The following DAPK2 variants were observed in gnomAD, a reference collection of about 807,000 sequenced individuals.
DAPK2 encodes death associated protein kinase 2, also known as death-associated protein kinase 2.
In DAPK2, 35 loss-of-function variants were observed where a neutral mutation model predicts 44.1. That is an observed-to-expected ratio of 0.79 (90% confidence interval 0.61 to 1.05). The LOEUF (loss-of-function observed/expected upper bound fraction) is 1.05, where lower values mean the gene tolerates loss of function less well. DAPK2 is among the 50% of genes least tolerant of loss of function. The pLI is 0.00. For missense variants in DAPK2, 453 were observed against 483.2 expected (o/e 0.94, Z 0.59); for synonymous variants, 174 against 182.6 (o/e 0.95, Z 0.38).
chr15:63,977,012 T>A (rs1018131920), intron 2 of DAPK2, among the ~76,000 whole-genome samples: 1 of 151,920 alleles, frequency 6.6e-6, no homozygotes, highest in African/African-American at 2.4e-5. Context: ...AAGAACACCA[T>A]GAGGAAGGAA....
At chr15:63,987,558 G>A (rs958805407) in intron 1 of DAPK2, among the ~76,000 whole-genome samples, 4 of 152,170 alleles carry the variant, frequency 2.6e-5, no homozygotes. Flanking sequence ...ATGGTCTACT[G>A]CAGCACGGGG....
At chr15:63,992,215 C>A (rs1034476091) in intron 1 of DAPK2, among the ~76,000 whole-genome samples, 1 of 152,064 alleles carries the variant, frequency 6.6e-6, no homozygotes, top group South Asian at 2.1e-4. Context: ...GACTTGGCTA[C>A]GTAAAGAAAG....
chr15:63,942,845 C>G lies in DAPK2; in HGVS notation c.454-3484G>C, dbSNP rs548384019. ...AGTTCCCAAAGTACCCTGTAATACCCGAACACAGTGCTTCTTACTCTGATG... is the reference window on the plus strand; with the variant it reads ...AGTTCCCAAAGTACCCTGTAATACCGGAACACAGTGCTTCTTACTCTGATG... On this transcript the variant is annotated intron_variant, in intron 3 of 10. Transcript: ENST00000261891. Among the ~76,000 whole-genome samples, 307 of 152,166 alleles carry G rather than the reference C, an allele frequency of 2.0e-3. 1 individual carries two copies. Among genetic ancestry groups the G allele is most frequent in the African/African-American group, 6.8e-3 (282 of 41,528 alleles).
rs138511942 is a variant in DAPK2, at chr15:64,045,718, T to C, written c.-7+580A>G. 1.7e-3 allele frequency among the ~76,000 whole-genome samples: 259 copies of C among 152,332 alleles called. 1 individual carries two copies. The highest frequency in any genetic ancestry group is 5.9e-3 in the African/African-American group (244 of 41,580). On this transcript the variant is annotated intron_variant, in intron 1 of 11. Coordinates refer to the DAPK2 transcript ENST00000457488. ...CTCCAAAATGCCTAGCCCAGAGTCC[T>C]AGTCAACTGTTGGCAACGCCCTTCC...
At chr15:64,031,967 C>T (rs1233123094) in intron 1 of DAPK2, among the ~76,000 whole-genome samples, 1 of 152,188 alleles carries the variant, frequency 6.6e-6, no homozygotes, top group African/African-American at 2.4e-5. Context: ...TGTGAGCTTG[C>T]TTGGCTGAGG....
intron 3 of DAPK2, among the ~76,000 whole-genome samples, chr15:63,960,431 A>C (rs535987233): frequency 6.6e-6 from 1 of 151,990 alleles, no homozygotes; most frequent in Non-Finnish European, 1.5e-5. Context: ...TAGTTCTTTT[A>C]ATTGTGATGT....
At chr15:63,995,162 C>T (rs1360486378) in intron 1 of DAPK2, among the ~76,000 whole-genome samples, 1 of 151,958 alleles carries the variant, frequency 6.6e-6, no homozygotes, top group Non-Finnish European at 1.5e-5. Flanking sequence ...TAAATCTCTG[C>T]ATACATCCCT....
chr15:64,037,177 C>T (rs899725491), intron 1 of DAPK2, among the ~76,000 whole-genome samples: 10 of 152,194 alleles, frequency 6.6e-5, no homozygotes, highest in African/African-American at 2.2e-4. Context: ...AGGGAATTCA[C>T]CACCTGGATC....
intron 1 of DAPK2, among the ~76,000 whole-genome samples, chr15:64,006,954 G>A (rs527650998): frequency 7.3e-4 from 111 of 152,248 alleles, no homozygotes; most frequent in Non-Finnish European, 1.3e-3. Context: ...GAAATGCAGG[G>A]AGGCTCAAAC....
chr15:63,953,258 C>T (rs1279587784), intron 3 of DAPK2, among the ~76,000 whole-genome samples: 1 of 152,022 alleles, frequency 6.6e-6, no homozygotes, highest in Non-Finnish European at 1.5e-5. Context: ...AGTTTCTTCA[C>T]TTAGGATAAT....
At chr15:63,987,262 T>C (rs1248128749) in intron 1 of DAPK2, among the ~76,000 whole-genome samples, 1 of 152,136 alleles carries the variant, frequency 6.6e-6, no homozygotes, top group African/African-American at 2.4e-5. Context: ...ACAGGCCTTT[T>C]TCTGCACACA....
At chr15:64,019,656 G>T (rs550764774) in intron 1 of DAPK2, among the ~76,000 whole-genome samples, 113 of 152,318 alleles carry the variant, frequency 7.4e-4, no homozygotes, top group Non-Finnish European at 1.6e-3. Flanking sequence ...GAATGCTTCG[G>T]TGTATTTCTT....
intron 1 of DAPK2, among the ~76,000 whole-genome samples, chr15:64,003,694 C>T (rs2079155623): frequency 6.6e-6 from 1 of 152,212 alleles, no homozygotes. Flanking sequence ...CAACCTCTGT[C>T]TCCCAGGTTC....
intron 2 of DAPK2, among the ~76,000 whole-genome samples, chr15:63,982,500 A>G (rs945578188): frequency 6.6e-6 from 1 of 151,998 alleles, no homozygotes; most frequent in South Asian, 2.1e-4. Flanking sequence ...AACATTCTTT[A>G]TATAGTCCTT....
At chr15:64,045,140 T>C (rs913020359), upstream of DAPK2, among the ~76,000 whole-genome samples, 4 of 151,992 alleles carry the variant, frequency 2.6e-5, no homozygotes, top group Non-Finnish European at 5.9e-5. Context: ...CTCAAGGAGG[T>C]GGGCAGGGTC....
chr15:64,004,040 G>A (rs929875364), intron 1 of DAPK2, among the ~76,000 whole-genome samples: 2 of 152,058 alleles, frequency 1.3e-5, no homozygotes, highest in African/African-American at 2.4e-5. Flanking sequence ...GTCACATATT[G>A]CAAATGATAT....
At chr15:63,932,120 T>A (rs1398404573) in intron 4 of DAPK2, among the ~76,000 whole-genome samples, 1 of 133,930 alleles carries the variant, frequency 7.5e-6, no homozygotes, top group Non-Finnish European at 1.5e-5. Flanking sequence ...TGAGCTGAGA[T>A]CATGCCACTG....
chr15:64,008,590 C>A (rs1456955722), intron 1 of DAPK2, among the ~76,000 whole-genome samples: 2 of 152,088 alleles, frequency 1.3e-5, no homozygotes, highest in Admixed American at 6.5e-5. Context: ...GTTCTGGATG[C>A]AATAGACAAT....
In DAPK2 at chr15:63,959,037, T is replaced by A. The variant is rs577562263; in HGVS notation, c.453+12386A>T. 2.3e-3 allele frequency among the ~76,000 whole-genome samples: 347 copies of A among 152,332 alleles called. 2 individuals carry two copies. The highest frequency in any genetic ancestry group is 0.014 in the Middle Eastern group (4 of 294). On this transcript the variant is annotated intron_variant, in intron 3 of 10. Coordinates refer to ENST00000261891, the Ensembl canonical transcript of DAPK2. ...TGTCCTCTTTTATTTCATTGAGCAG[T>A]GGTTTGTAGTTCTCCTTGAAGAGGT... is the stretch of plus-strand genomic sequence containing the variant.
Sources: gnomAD v4.1 joint callset for allele counts (sites outside exome capture counted in the v4.1 genomes callset) on GRCh38, gnomAD v4.1.1 for gene constraint, MANE v1.5 for transcripts, NCBI Gene and HGNC (gene_info 2026-07-23, HGNC 2026-07-21) for gene names.